The following MALRD1 variants were observed in gnomAD, a reference collection of about 807,000 sequenced individuals.
MALRD1 encodes the protein MAM and LDL receptor class A domain containing 1.
A neutral mutation model predicts 242.1 loss-of-function variants in MALRD1; 247 were observed. That is an observed-to-expected ratio of 1.02 (90% CI 0.92 to 1.13). MALRD1 has a LOEUF of 1.13. Among genes scored for constraint, MALRD1 ranks in the 50% most tolerant of loss-of-function variants. The pLI is 0.00. For missense variants in MALRD1, 2,989 were observed against 2,533.1 expected (o/e 1.18, Z -3.86); for synonymous variants, 995 against 866.6 (o/e 1.15, Z -2.60).
At chr10:19,435,421 C>G (rs1054582532) in intron 28 of MALRD1, among the ~76,000 whole-genome samples, 5 of 152,064 alleles carry the variant, frequency 3.3e-5, no homozygotes, top group Admixed American at 2.0e-4. Flanking sequence ...ATGTCATTTT[C>G]TGTTGTAGTA....
intron 12 of MALRD1, among the ~76,000 whole-genome samples, chr10:19,162,427 A>G (rs1017350865): frequency 1.3e-5 from 2 of 152,192 alleles, no homozygotes; most frequent in Non-Finnish European, 2.9e-5. Context: ...TTACTATAAT[A>G]AGTTCTGTGA....
intron 36 of MALRD1, among the ~76,000 whole-genome samples, chr10:19,650,821 C>G (rs959885104): frequency 4.6e-5 from 7 of 152,176 alleles, no homozygotes; most frequent in African/African-American, 1.4e-4. Context: ...TCCGAGCTGC[C>G]TCCTTTGTCT....
intron 36 of MALRD1, among the ~76,000 whole-genome samples, chr10:19,617,521 T>G (rs1839213956): frequency 6.6e-6 from 1 of 152,032 alleles, no homozygotes; most frequent in African/African-American, 2.4e-5. Context: ...TTGTAATAGC[T>G]TAGCCATTTC....
intron 2 of MALRD1, among the ~76,000 whole-genome samples, chr10:19,082,910 A>G (rs1835539836): frequency 6.6e-6 from 1 of 152,040 alleles, no homozygotes; most frequent in South Asian, 2.1e-4. Flanking sequence ...TCACAGTTCT[A>G]TAGGCTGGGA....
intron 28 of MALRD1, among the ~76,000 whole-genome samples, chr10:19,394,807 G>A (rs1309945177): frequency 6.6e-6 from 1 of 152,186 alleles, no homozygotes; most frequent in Non-Finnish European, 1.5e-5. Context: ...GGATTGCGGG[G>A]TTAGGGATAC....
At chr10:19,282,452 C>T (rs1840864080) in intron 20 of MALRD1, among the ~76,000 whole-genome samples, 1 of 152,278 alleles carries the variant, frequency 6.6e-6, no homozygotes, top group Admixed American at 6.5e-5. Flanking sequence ...ATTTTAGACA[C>T]ATGAACACAT....
intron 28 of MALRD1, among the ~76,000 whole-genome samples, chr10:19,395,816 ACTT>A (rs937295032): frequency 2.0e-5 from 3 of 152,106 alleles, no homozygotes; most frequent in South Asian, 2.1e-4. Context: ...TTTCTTTTAA[ACTT>A]CTTCTGTTCC....
At chr10:19,223,332 C>G (rs1229202853) in intron 18 of MALRD1, among the ~76,000 whole-genome samples, 1 of 152,074 alleles carries the variant, frequency 6.6e-6, no homozygotes, top group Non-Finnish European at 1.5e-5. Context: ...ATTTTCAAAA[C>G]AGCATTGTTG....
intron 28 of MALRD1, among the ~76,000 whole-genome samples, chr10:19,394,596 A>G (rs543738223): frequency 5.3e-5 from 8 of 152,218 alleles, no homozygotes; most frequent in African/African-American, 1.7e-4. Context: ...ATTCATGGTA[A>G]GCTCTCTGCA....
chr10:19,324,191 A>C, intron 22 of MALRD1, 86 bp downstream of exon 22: 1 of 1,275,140 alleles, frequency 7.8e-7, no homozygotes, highest in South Asian at 1.5e-5. Flanking sequence ...ATATTCTGTT[A>C]ATAAGTGAAA....
intron 29 of MALRD1, among the ~76,000 whole-genome samples, chr10:19,454,421 T>TATAG (rs1429742318): frequency 7.1e-6 from 1 of 140,208 alleles, no homozygotes; most frequent in African/African-American, 2.7e-5. Flanking sequence ...TATATATATA[T>TATAG]ATATATATAT....
At chr10:19,293,866 C>G (rs531511316) in intron 21 of MALRD1, among the ~76,000 whole-genome samples, 5 of 152,290 alleles carry the variant, frequency 3.3e-5, no homozygotes, top group South Asian at 4.1e-4. Flanking sequence ...ATGAATTTTA[C>G]CTATGTGACA....
At chr10:19,519,808 A>G (rs1018351252) in intron 31 of MALRD1, among the ~76,000 whole-genome samples, 2 of 152,202 alleles carry the variant, frequency 1.3e-5, no homozygotes, top group African/African-American at 2.4e-5. Flanking sequence ...TCTAATTATT[A>G]TATTTGTTCA....
At chr10:19,454,404 T>TTA (rs1564356457) in intron 29 of MALRD1, among the ~76,000 whole-genome samples, 1 of 30,404 alleles carries the variant, frequency 3.3e-5, no homozygotes, top group Non-Finnish European at 6.8e-5. Flanking sequence ...ATTATGCATA[T>TTA]GATATATATA....
chr10:19,297,029 AC>A (rs1841735309), intron 21 of MALRD1, among the ~76,000 whole-genome samples: 1 of 151,184 alleles, frequency 6.6e-6, no homozygotes, highest in South Asian at 2.1e-4. Flanking sequence ...TTTGTGATCT[AC>A]TTTTATCCTT....
At chr10:19,227,262 A>C (rs570752248) in intron 18 of MALRD1, among the ~76,000 whole-genome samples, 10 of 152,216 alleles carry the variant, frequency 6.6e-5, no homozygotes, top group African/African-American at 2.4e-4. Context: ...TACACTAACC[A>C]GTACAGTGAA....
At chr10:19,603,449 G>A (rs1463683845) in intron 34 of MALRD1, among the ~76,000 whole-genome samples, 2 of 152,102 alleles carry the variant, frequency 1.3e-5, no homozygotes, top group Non-Finnish European at 2.9e-5. Context: ...ATTAAATAGG[G>A]ACTCCTTTCC....
intron 32 of MALRD1, among the ~76,000 whole-genome samples, chr10:19,532,395 C>A (rs1834455273): frequency 6.6e-6 from 1 of 152,088 alleles, no homozygotes; most frequent in African/African-American, 2.4e-5. Flanking sequence ...GCTGGGATCA[C>A]AGGCATGCAT....
intron 21 of MALRD1, among the ~76,000 whole-genome samples, chr10:19,316,092 G>A (rs1214170385): frequency 6.7e-6 from 1 of 149,348 alleles, no homozygotes; most frequent in Non-Finnish European, 1.5e-5. Flanking sequence ...AATTTACTAA[G>A]GAAACTCCTT....
Sources: allele counts gnomAD v4.1 joint callset (sites outside exome capture counted in the v4.1 genomes callset), GRCh38; gene constraint gnomAD v4.1.1; transcripts MANE v1.5; gene names NCBI Gene and HGNC (gene_info 2026-07-23, HGNC 2026-07-21).